The following RALGPS1 variants were observed in gnomAD, a reference collection of about 807,000 sequenced individuals.
The protein encoded by RALGPS1 is Ral GEF with PH domain and SH3 binding motif 1.
In RALGPS1, 19 loss-of-function variants were observed where a neutral mutation model predicts 78.8. The ratio of observed to expected loss-of-function variants is 0.24; its 90% confidence interval spans 0.17 to 0.35. The LOEUF is 0.35. Among genes scored for constraint, RALGPS1 ranks in the 10% least tolerant of loss-of-function variants. The pLI is 1.00. For synonymous variants in RALGPS1, 228 were observed against 256.3 expected (o/e 0.89, Z 1.06); for missense variants, 454 against 688.3 (o/e 0.66, Z 3.81).
chr9:127,007,494 G>A (rs10760473), intron 4 of RALGPS1, among the ~76,000 whole-genome samples: 89,075 of 152,084 alleles, frequency 0.59, 30,174 homozygotes, highest in East Asian at 0.81. Flanking sequence ...TACACGTGCC[G>A]TAGAAGTACA....
chr9:127,174,813 C>T (rs142565868), intron 11 of RALGPS1, 31 bp downstream of exon 11: 2 of 1,598,996 alleles, frequency 1.3e-6, no homozygotes, highest in African/African-American at 1.3e-5. Context: ...GGGAGCAAAC[C>T]CACTTAATAG....
At chr9:127,204,618 G>A (rs10760480) in intron 14 of RALGPS1, among the ~76,000 whole-genome samples, 1 of 152,078 alleles carries the variant, frequency 6.6e-6, no homozygotes, top group Non-Finnish European at 1.5e-5. Context: ...CTGTGGGAGG[G>A]CCCCTCTAAG....
intron 1 of RALGPS1, among the ~76,000 whole-genome samples, chr9:126,922,579 C>T (rs2034875379): frequency 6.6e-6 from 1 of 152,192 alleles, no homozygotes; most frequent in African/African-American, 2.4e-5. Context: ...GATTAGTCCT[C>T]TGTGCATCTG....
At chr9:127,088,537 T>C in intron 8 of RALGPS1, 1 of 208,318 alleles carries the variant, frequency 4.8e-6, no homozygotes, top group Non-Finnish European at 9.7e-6. Context: ...AACCTATATA[T>C]GGATCTAGAT....
chr9:127,033,240 C>T lies in RALGPS1; in HGVS notation c.217-1191C>T, dbSNP rs552354071. 1.4e-3 allele frequency among the ~76,000 whole-genome samples: 213 copies of T among 152,318 alleles called. 3 individuals carry two copies. The highest frequency in any genetic ancestry group is 4.8e-3 in the African/African-American group (198 of 41,574). On this transcript the variant is annotated intron_variant, in intron 4 of 18. Coordinates refer to ENST00000259351, the MANE Select transcript of RALGPS1 (RefSeq NM_014636.3). ...GTGTCTCGGCCTCTGGCTGGTTCCTCTGTGTTCCTAAGTCCAGGGCATTCA... is the reference window on the plus strand; with the variant it reads ...GTGTCTCGGCCTCTGGCTGGTTCCTTTGTGTTCCTAAGTCCAGGGCATTCA...
At chr9:126,988,797 G>A (rs1410360601) in intron 4 of RALGPS1, among the ~76,000 whole-genome samples, 1 of 152,208 alleles carries the variant, frequency 6.6e-6, no homozygotes, top group Non-Finnish European at 1.5e-5. Flanking sequence ...CTGTAGTTGT[G>A]TCTGGAGAAA....
At chr9:127,172,697 T>C (rs929157239) in intron 10 of RALGPS1, among the ~76,000 whole-genome samples, 2 of 152,238 alleles carry the variant, frequency 1.3e-5, no homozygotes, top group Non-Finnish European at 2.9e-5. Context: ...CCTGGATTTG[T>C]TCCCCCTAGG....
intron 18 of RALGPS1, chr9:127,217,938 G>T (rs1299192540): frequency 6.6e-6 from 1 of 152,090 alleles, no homozygotes; most frequent in Admixed American, 6.6e-5. Context: ...GACATCCCAG[G>T]ACTGATTTTC....
chr9:127,062,363 G>A (rs1234803478), intron 7 of RALGPS1, among the ~76,000 whole-genome samples: 1 of 152,178 alleles, frequency 6.6e-6, no homozygotes, highest in African/African-American at 2.4e-5. Context: ...CTCCCAAAGT[G>A]CTGGGATTAG....
In RALGPS1 at chr9:127,175,104, C is replaced by T. The variant is rs560128861; in HGVS notation, c.910+322C>T. ...AAAGCCCCAGCATCTTCTCCAGGCT[C>T]TCCAGACCCTTAGCGGGGCTGCTGC... On this transcript the variant is annotated intron_variant, in intron 11 of 18. Transcript: ENST00000259351. Among the ~76,000 whole-genome samples, 5 of 152,358 alleles carry T rather than the reference C, an allele frequency of 3.3e-5. No homozygotes were observed. The South Asian group carries it at 1.0e-3, about 32-fold the overall frequency.
At chr9:126,920,829 G>T (rs1040537225) in intron 1 of RALGPS1, among the ~76,000 whole-genome samples, 1 of 152,204 alleles carries the variant, frequency 6.6e-6, no homozygotes, top group African/African-American at 2.4e-5. Flanking sequence ...GACTGAAGGC[G>T]ATTGGCCATA....
At chr9:127,060,616 C>G (rs2049129414) in intron 7 of RALGPS1, among the ~76,000 whole-genome samples, 1 of 151,944 alleles carries the variant, frequency 6.6e-6, no homozygotes, top group African/African-American at 2.4e-5. Flanking sequence ...ATGACAGGGC[C>G]TTTTACTTAT....
chr9:126,987,409 T>G (rs142617374), intron 4 of RALGPS1, among the ~76,000 whole-genome samples: 288 of 152,292 alleles, frequency 1.9e-3, no homozygotes, highest in Admixed American at 3.8e-3. Flanking sequence ...ACAGGTGATG[T>G]GCTCAGCAAA....
At chr9:127,079,713 G>A (rs1367885890) in intron 8 of RALGPS1, 6 of 152,130 alleles carry the variant, frequency 3.9e-5, no homozygotes, top group East Asian at 1.9e-4. Context: ...CTAAAAAGGC[G>A]AGCCTTCAGA....
intron 4 of RALGPS1, among the ~76,000 whole-genome samples, chr9:127,011,064 A>G (rs965795314): frequency 6.6e-6 from 1 of 151,864 alleles, no homozygotes; most frequent in African/African-American, 2.4e-5. Context: ...CTCTGTGGTG[A>G]TCATAGCAGT....
chr9:127,140,356 T>G (rs1247787380), intron 8 of RALGPS1, among the ~76,000 whole-genome samples: 1 of 152,190 alleles, frequency 6.6e-6, no homozygotes, highest in Non-Finnish European at 1.5e-5. Flanking sequence ...GCTCTGATTA[T>G]TTGCAGTCAA....
At chr9:127,140,380 G>T (rs184067980) in intron 8 of RALGPS1, among the ~76,000 whole-genome samples, 4 of 152,188 alleles carry the variant, frequency 2.6e-5, no homozygotes, top group Admixed American at 1.3e-4. Flanking sequence ...AGTCCTGAAC[G>T]GGATGTACCC....
chr9:126,939,636 A>G lies in RALGPS1; in HGVS notation c.-65-22589A>G, dbSNP rs2036573199. On this transcript the variant is annotated intron_variant, in intron 1 of 18. Transcript: ENST00000259351. ...ATAGAAGCCAAGAGGCACTTGCCAC[A>G]TAGGTGGTAGATGGCAGAGCAGGAT... Among the ~76,000 whole-genome samples, 9 of 152,368 alleles carry G rather than the reference A, an allele frequency of 5.9e-5. No homozygotes were observed. The South Asian group carries it at 1.7e-3, about 28-fold the overall frequency.
In RALGPS1 at chr9:127,212,807, G is replaced by A. The variant is rs2062351550; in HGVS notation, c.1446+88G>A. 6.5e-7 allele frequency: 1 copy of A among 1,532,512 alleles called. No individual in the cohort carries two copies. The highest frequency in any genetic ancestry group is 1.4e-5 in the African/African-American group (1 of 72,772). 94.9% of individuals were successfully genotyped at this position (1,532,512 alleles called of 1,614,324 possible). A position where few individuals can be genotyped will look rare whatever the true frequency, so the allele number is the denominator to read the frequency against. ...ACTGTGGAGGATGGGGGTGGGAAAGGGATCTGTGTGAACTGCGGAGGATGC... is the reference window on the plus strand; with the variant it reads ...ACTGTGGAGGATGGGGGTGGGAAAGAGATCTGTGTGAACTGCGGAGGATGC... On this transcript the variant is annotated intron_variant, in intron 16 of 18. Coordinates refer to ENST00000259351, the MANE Select transcript of RALGPS1 (RefSeq NM_014636.3). This position sits in a 1 kb window ranked among gnomAD's most constrained non-coding sequence, Gnocchi z 6.0.
Sources: allele counts gnomAD v4.1 joint callset (sites outside exome capture counted in the v4.1 genomes callset), GRCh38; gene constraint gnomAD v4.1.1; non-coding constraint Gnocchi (gnomAD v3.1); transcripts MANE v1.5; gene names NCBI Gene and HGNC (gene_info 2026-07-23, HGNC 2026-07-21).